Variants in MMP16 observed in about 807,000 individuals in gnomAD.
MMP16 encodes the protein matrix metalloproteinase-16.
Under a neutral mutation model 67.8 loss-of-function variants are expected in MMP16, and 12 were observed. That is an observed-to-expected ratio of 0.18 (90% CI 0.11 to 0.29). MMP16 has a LOEUF of 0.29. Ranked by LOEUF, MMP16 falls within the 10% of genes least tolerant of loss-of-function variation. The pLI, the probability that MMP16 is intolerant of heterozygous loss-of-function variation, is 1.00. For missense variants in MMP16, 475 were observed against 765.7 expected (o/e 0.62, Z 4.48); for synonymous variants, 249 against 255.9 (o/e 0.97, Z 0.26).
chr8:88,317,853 C>G (rs1354188371), intron 1 of MMP16, among the ~76,000 whole-genome samples: 1 of 152,232 alleles, frequency 6.6e-6, no homozygotes, highest in East Asian at 1.9e-4. Flanking sequence ...ATAAAGGCAA[C>G]AACCAGCCAA....
intron 6 of MMP16, among the ~76,000 whole-genome samples, chr8:88,085,251 A>G (rs1018616581): frequency 1.3e-5 from 2 of 152,070 alleles, no homozygotes; most frequent in African/African-American, 4.8e-5. Context: ...GAAGAAGAAA[A>G]ACTATTAAGG....
intron 1 of MMP16, among the ~76,000 whole-genome samples, chr8:88,235,848 T>C (rs1050068599): frequency 1.3e-5 from 2 of 152,156 alleles, no homozygotes; most frequent in Non-Finnish European, 2.9e-5. Flanking sequence ...TGGTTTTCTA[T>C]ACACATTTGT....
chr8:88,283,552 AC>A (rs1160544358), intron 1 of MMP16, among the ~76,000 whole-genome samples: 1 of 151,874 alleles, frequency 6.6e-6, no homozygotes, highest in Non-Finnish European at 1.5e-5. Context: ...TTCCTATCTC[AC>A]CCCCAGGCAC....
chr8:88,057,890 A>G (rs1329460731), intron 7 of MMP16, among the ~76,000 whole-genome samples: 1 of 152,188 alleles, frequency 6.6e-6, no homozygotes, highest in Non-Finnish European at 1.5e-5. Flanking sequence ...ATCCTACATG[A>G]CAGCAGAAGA....
At chr8:88,042,104 C>G (rs921761934) in intron 9 of MMP16, among the ~76,000 whole-genome samples, 1 of 152,126 alleles carries the variant, frequency 6.6e-6, no homozygotes, top group African/African-American at 2.4e-5. Context: ...AGAACCTTAT[C>G]TTTTTGCTCG....
At chr8:88,102,021 C>T (rs1051015155) in intron 6 of MMP16, among the ~76,000 whole-genome samples, 2 of 151,772 alleles carry the variant, frequency 1.3e-5, no homozygotes, top group African/African-American at 4.8e-5. Flanking sequence ...GCTCTTTTGT[C>T]CTTATGAGAA....
At chr8:88,302,727 G>A (rs941992805) in intron 1 of MMP16, among the ~76,000 whole-genome samples, 1 of 152,220 alleles carries the variant, frequency 6.6e-6, no homozygotes, top group African/African-American at 2.4e-5. Context: ...GAGGGTCCAA[G>A]ATGGCCGATT....
chr8:88,167,418 C>T (rs1361983940), intron 4 of MMP16, among the ~76,000 whole-genome samples: 7 of 152,046 alleles, frequency 4.6e-5, no homozygotes, highest in Non-Finnish European at 8.8e-5. Flanking sequence ...GAAGACAAAA[C>T]TTACTTTAGA....
intron 7 of MMP16, 87 bp downstream of exon 7, chr8:88,074,518 T>A (rs752804937): frequency 8.3e-7 from 1 of 1,201,682 alleles, no homozygotes; most frequent in Admixed American, 2.4e-5. Flanking sequence ...GGCTATGTAA[T>A]CTCATTTCAT....
rs1471610958 is a variant in MMP16 at position 88,041,141 on chromosome 8, T to A, written c.*320A>T. ...TAACATTAGAAACTTTTAAGAAGAA[T>A]CTTTTCTTCTTTTTCTCCTCTTCTT... On this transcript the variant is annotated 3_prime_UTR_variant, in exon 10 of 10. Coordinates refer to ENST00000286614, the MANE Select transcript of MMP16 (RefSeq NM_005941.5). This position sits in a 1 kb window ranked among gnomAD's most constrained non-coding sequence, Gnocchi z 6.0. The A allele has an allele frequency of 4.4e-6, 1 of 225,024 alleles. No individual in the cohort carries two copies. The highest frequency in any genetic ancestry group is 9.3e-5 in the East Asian group (1 of 10,698). 13.9% of individuals were successfully genotyped at this position (225,024 alleles called of 1,614,324 possible).
In MMP16 at chr8:88,202,852, C is replaced by T. The variant is rs76280506; in HGVS notation, c.133-5546G>A. Among the ~76,000 whole-genome samples the T allele has an allele frequency of 1.2e-3, 189 of 151,946 alleles. 1 individual carries two copies. Among genetic ancestry groups the T allele is most frequent in the Non-Finnish European group, 2.2e-3 (147 of 67,940 alleles). ...ACCTAAAAACTCAAAACAGTAAAAT[C>T]CCCCTCAAATTTGTGTCTTTTCACA... On this transcript the variant is annotated intron_variant, in intron 1 of 9. Transcript: ENST00000286614.
chr8:88,311,257 C>T (rs28907895), intron 1 of MMP16, among the ~76,000 whole-genome samples: 2,716 of 152,008 alleles, frequency 0.018, 81 homozygotes, highest in African/African-American at 0.062. Context: ...TTTGATATAT[C>T]CAGGAGGTAA....
chr8:88,063,922 T>C (rs1808432773), intron 7 of MMP16, among the ~76,000 whole-genome samples: 1 of 152,054 alleles, frequency 6.6e-6, no homozygotes, highest in Non-Finnish European at 1.5e-5. Flanking sequence ...TCCTGAGTAG[T>C]CAGATATCCT....
chr8:88,188,654 ATTTT>A (rs1296976552), intron 2 of MMP16, among the ~76,000 whole-genome samples: 1 of 141,328 alleles, frequency 7.1e-6, no homozygotes, highest in Non-Finnish European at 1.6e-5. Flanking sequence ...CAAAGAACAG[ATTTT>A]TTTTTTTTTT....
chr8:88,111,187 G>T (rs1379962175), intron 6 of MMP16, among the ~76,000 whole-genome samples: 1 of 151,662 alleles, frequency 6.6e-6, no homozygotes, highest in Non-Finnish European at 1.5e-5. Flanking sequence ...AGTTGAGAGA[G>T]AATTTTTCTA....
chr8:88,272,185 A>C (rs1156622108), intron 1 of MMP16, among the ~76,000 whole-genome samples: 1 of 152,180 alleles, frequency 6.6e-6, no homozygotes, highest in Non-Finnish European at 1.5e-5. Flanking sequence ...ATTATTTATC[A>C]ATCATTTTTA....
At chr8:88,074,817 G>A (rs3739382) in intron 6 of MMP16, 74 bp from the exon 7 acceptor site, 83,140 of 1,506,114 alleles carry the variant, frequency 0.055, 3,066 homozygotes, top group East Asian at 0.19. Context: ...ATGGCTGGAC[G>A]CTTTTGAAAT....
At chr8:88,066,746 C>T (rs559700763) in intron 7 of MMP16, among the ~76,000 whole-genome samples, 5 of 152,080 alleles carry the variant, frequency 3.3e-5, no homozygotes, top group East Asian at 1.9e-4. Context: ...TCTACACATG[C>T]GAGGTTGAAA....
At chr8:88,180,196 G>T (rs182777617) in intron 3 of MMP16, among the ~76,000 whole-genome samples, 9 of 151,796 alleles carry the variant, frequency 5.9e-5, no homozygotes, top group African/African-American at 1.5e-4. Flanking sequence ...CAGGAGAATC[G>T]CTTGAACCTG....
Sources: gnomAD v4.1 joint callset for allele counts (sites outside exome capture counted in the v4.1 genomes callset) on GRCh38, gnomAD v4.1.1 for gene constraint, Gnocchi (gnomAD v3.1) non-coding constraint, MANE v1.5 for transcripts, NCBI Gene and HGNC (gene_info 2026-07-23, HGNC 2026-07-21) for gene names.